Variants in C14orf132 observed in about 807,000 individuals in gnomAD.
C14orf132 encodes the protein uncharacterized protein C14orf132.
A neutral mutation model predicts 5.8 loss-of-function variants in C14orf132; 6 were observed. The ratio of observed to expected loss-of-function variants is 1.03; its 90% CI spans 0.57 to 2.04. The LOEUF is 2.04. Among genes scored for constraint, C14orf132 ranks in the 30% most tolerant of loss-of-function variants. C14orf132 has a pLI of 0.00. For synonymous variants in C14orf132, 51 were observed against 49.8 expected (o/e 1.02, Z -0.10); for missense variants, 125 against 115.8 (o/e 1.08, Z -0.37).
chr14:96,074,824 A>G (rs562349927), intron 1 of C14orf132, among the ~76,000 whole-genome samples: 1 of 151,604 alleles, frequency 6.6e-6, no homozygotes, highest in South Asian at 2.1e-4. Context: ...CTGTAGCTTT[A>G]TCGTAAGTCT....
intron 1 of C14orf132, among the ~76,000 whole-genome samples, chr14:96,071,026 A>G (rs1424046595): frequency 1.3e-5 from 2 of 152,332 alleles, no homozygotes; most frequent in South Asian, 2.1e-4. Flanking sequence ...TGAGGTTTGT[A>G]TTAGTCCATT....
chr14:96,054,132 C>T (rs1343440903), intron 1 of C14orf132, among the ~76,000 whole-genome samples: 1 of 152,180 alleles, frequency 6.6e-6, no homozygotes, highest in Non-Finnish European at 1.5e-5. Flanking sequence ...CATGTAGAAG[C>T]ACAGACTGTA....
At chr14:96,078,919 C>G (rs998446911) in intron 1 of C14orf132, among the ~76,000 whole-genome samples, 2 of 152,252 alleles carry the variant, frequency 1.3e-5, no homozygotes, top group African/African-American at 4.8e-5. Flanking sequence ...GACCCTCCTG[C>G]TCTGTGGGGC....
intron 1 of C14orf132, among the ~76,000 whole-genome samples, chr14:96,076,123 T>A (rs1887857789): frequency 6.6e-6 from 1 of 152,238 alleles, no homozygotes; most frequent in East Asian, 1.9e-4. Flanking sequence ...TATCTTTTTT[T>A]CTTGAGTAAG....
chr14:96,044,943 C>T (rs1215508019), intron 1 of C14orf132, among the ~76,000 whole-genome samples: 2 of 152,192 alleles, frequency 1.3e-5, no homozygotes, highest in Non-Finnish European at 2.9e-5. Context: ...TTCATTCTAC[C>T]TATCGAGGGG....
In C14orf132 at chr14:96,086,523, G is replaced by A. The variant is rs763272599; in HGVS notation, c.40G>A (p.Gly14Arg). The A allele has an allele frequency of 4.6e-6, 7 of 1,535,944 alleles. No individual in the cohort carries two copies. The highest frequency in any genetic ancestry group is 5.2e-6 in the Non-Finnish European group (6 of 1,146,896). The change falls in exon 2 of 2, where the codon GGG becomes AGG. Residue 14 changes from glycine (G) to arginine (R), a missense_variant. By Grantham distance (125) the Gly-to-Arg change is moderately radical (BLOSUM62 -2). Transcript: ENST00000555004. The stretch of plus-strand genomic sequence containing the variant: ...TCCTTCTTTGCAGCTGCCCATGATG[G>A]GGGGAGCTTTCATGGACTCGCCCAA... ...SFMAAQLPMM[G>R]GAFMDSPNED...
At chr14:96,056,870 T>C (rs1046439432) in intron 1 of C14orf132, among the ~76,000 whole-genome samples, 1 of 152,136 alleles carries the variant, frequency 6.6e-6, no homozygotes, top group Non-Finnish European at 1.5e-5. Flanking sequence ...CCTCCTTCTG[T>C]GATGTATGGC....
rs555983600 is a variant in C14orf132, at chr14:96,052,934, G to A, written c.27+13407G>A. Reference sequence around the variant, plus strand: ...GGTCTTTCAATGGGGCTTGTATTTGGAGAGGGCTGACCCCTTTAAACCTCT... The same window carrying A: ...GGTCTTTCAATGGGGCTTGTATTTGAAGAGGGCTGACCCCTTTAAACCTCT... On this transcript the variant is annotated intron_variant, in intron 1 of 1. Coordinates refer to ENST00000555004, the MANE Select transcript of C14orf132 (RefSeq NM_001252507.3). Among the ~76,000 whole-genome samples, 34 of 152,302 alleles carry A rather than the reference G, an allele frequency of 2.2e-4. No homozygotes were observed. In the South Asian group the frequency reaches 7.1e-3, roughly 32 times the overall value.
At chr14:96,069,682 G>C (rs943672170) in intron 1 of C14orf132, among the ~76,000 whole-genome samples, 4 of 152,178 alleles carry the variant, frequency 2.6e-5, no homozygotes, top group Non-Finnish European at 5.9e-5. Context: ...CATCTGACCA[G>C]GGACCTCCAT....
chr14:96,086,398 A>G, intron 1 of C14orf132, 113 bp from the exon 2 acceptor site: 2 of 883,972 alleles, frequency 2.3e-6, no homozygotes, highest in South Asian at 1.7e-5. Context: ...TTGCAGGTGC[A>G]GTAGAGATCG....
intron 1 of C14orf132, among the ~76,000 whole-genome samples, chr14:96,081,231 A>G (rs1044540714): frequency 6.6e-6 from 1 of 152,122 alleles, no homozygotes; most frequent in African/African-American, 2.4e-5. Flanking sequence ...ATGCTATCGG[A>G]GTTTATTTTG....
chr14:96,074,274 C>T (rs2139673265), intron 1 of C14orf132, among the ~76,000 whole-genome samples: 1 of 152,258 alleles, frequency 6.6e-6, no homozygotes, highest in African/African-American at 2.4e-5. Context: ...AGTTCTTTGT[C>T]AGATAGATGA....
intron 1 of C14orf132, among the ~76,000 whole-genome samples, chr14:96,065,307 C>T (rs185539128): frequency 2.2e-4 from 34 of 152,158 alleles, no homozygotes; most frequent in East Asian, 3.9e-4. Context: ...CTGGAGATTC[C>T]GATGTGCATC....
rs543826648 is a variant in C14orf132, at chr14:96,091,024, G to A, written c.*4289G>A. On this transcript the variant is annotated 3_prime_UTR_variant, in exon 2 of 2. Coordinates refer to ENST00000555004, the MANE Select transcript of C14orf132 (RefSeq NM_001252507.3). ...TTGTGTCTCATTTACTTCTCAAATTGCCCCTGGGGGCAGGAATGAGGATGC... is the reference window on the plus strand; with the variant it reads ...TTGTGTCTCATTTACTTCTCAAATTACCCCTGGGGGCAGGAATGAGGATGC... 7.7e-5 allele frequency: 35 copies of A among 456,058 alleles called. No homozygotes were observed. The highest frequency in any genetic ancestry group is 6.0e-4 in the African/African-American group (30 of 50,182). The allele number at this position is 456,058 out of a possible 1,614,324, so 28.3% of individuals were successfully genotyped here. A position where few individuals can be genotyped will look rare whatever the true frequency, so the allele number is the denominator to read the frequency against.
chr14:96,045,279 G>T (rs1222125336), intron 1 of C14orf132, among the ~76,000 whole-genome samples: 1 of 152,202 alleles, frequency 6.6e-6, no homozygotes, highest in African/African-American at 2.4e-5. Context: ...GCCTTCAGGG[G>T]TTTTTGACTT....
chr14:96,091,286 T>C lies in C14orf132; in HGVS notation c.*4551T>C, dbSNP rs1022054788. The C allele has an allele frequency of 1.7e-5, 6 of 344,194 alleles. No homozygotes were observed. The Admixed American group carries it at 2.0e-4, about 12-fold the overall frequency. 21.3% of individuals were successfully genotyped at this position (344,194 alleles called of 1,614,324 possible). A position where few individuals can be genotyped will look rare whatever the true frequency, so the allele number is the denominator to read the frequency against. On this transcript the variant is annotated 3_prime_UTR_variant, in exon 2 of 2. Transcript: ENST00000555004. ...TTATAGCCAGATTGCCACATTCAAG[T>C]GTAAGTCCAGGAAAGGGGCAGGCGG...
In C14orf132 at chr14:96,065,654, CT is replaced by C. The variant is rs148192818; in HGVS notation, c.28-20856del. ...TACCTCTGGCTTCTAGCCTGACCCC[CT>C]CCACCCCCAGCATGTAGTAGGTGCT... On this transcript the variant is annotated intron_variant, in intron 1 of 1. Coordinates refer to ENST00000555004, the MANE Select transcript of C14orf132 (RefSeq NM_001252507.3). 2.3e-4 allele frequency among the ~76,000 whole-genome samples: 35 copies of C among 151,934 alleles called. 2 individuals carry two copies. The highest frequency in any genetic ancestry group is 8.5e-4 in the African/African-American group (35 of 41,272).
chr14:96,086,544 C>G lies in C14orf132; in HGVS notation c.61C>G (p.Pro21Ala), dbSNP rs1235155320. 1.3e-6 allele frequency: 2 copies of G among 1,536,016 alleles called. No homozygotes were observed. Among genetic ancestry groups the G allele is most frequent in the Admixed American group, 2.0e-5 (1 of 50,982 alleles). Residue 21 changes from proline (P) to alanine (A), a missense_variant, in exon 2 of 2, where the codon CCC (proline) becomes GCC (alanine). Transcript: ENST00000555004. Reference sequence around the variant, plus strand: ...GATGGGGGGAGCTTTCATGGACTCGCCCAACGAGGACTTCAGCACCGAGTA... The same window carrying G: ...GATGGGGGGAGCTTTCATGGACTCGGCCAACGAGGACTTCAGCACCGAGTA... ...PMMGGAFMDS[P>A]NEDFSTEYSL...
intron 1 of C14orf132, among the ~76,000 whole-genome samples, chr14:96,045,163 C>T (rs961519750): frequency 9.2e-5 from 14 of 152,300 alleles, no homozygotes; most frequent in African/African-American, 3.4e-4. Flanking sequence ...CAGGCCCTCC[C>T]TACATGGAAT....
Sources: gnomAD v4.1 joint callset for allele counts (sites outside exome capture counted in the v4.1 genomes callset) on GRCh38, gnomAD v4.1.1 for gene constraint, MANE v1.5 for transcripts, NCBI Gene and HGNC (gene_info 2026-07-23, HGNC 2026-07-21) for gene names.